SPATA16: variants seen among roughly 807,000 people sequenced by gnomAD.
SPATA16 encodes spermatogenesis associated 16.
SPATA16 carries 36 observed loss-of-function variants against 63.3 expected under a neutral mutation model. The observed-to-expected ratio is 0.57, with a 90% confidence interval of 0.44 to 0.75. The LOEUF (loss-of-function observed/expected upper bound fraction) is 0.75, where lower values mean the gene tolerates loss of function less well. SPATA16 is among the 30% of genes least tolerant of loss of function. The probability of loss-of-function intolerance (pLI) is 0.00; values close to 1 mark genes in which losing one functional copy is unlikely to be tolerated. For missense variants in SPATA16, 646 were observed against 679.3 expected, an observed-to-expected ratio of 0.95 and a Z score of 0.54; for synonymous variants, 203 against 216.7, an observed-to-expected ratio of 0.94 and a Z score of 0.56.
Position 172,913,734 on chromosome 3 carries a change from A to G in SPATA16, c.1514T>C (p.Leu505Pro), listed in dbSNP as rs368640324. The G allele has an allele frequency of 6.2e-7, 1 of 1,613,456 alleles. No individual in the cohort carries two copies. The highest frequency in any genetic ancestry group is 1.3e-5 in the African/African-American group (1 of 74,892). ...AAGGGTGTCCATAGCATCTGCCATT[A>G]GTGACTGCAGCTGTGGCACCAAGAT... ...SQQEAELLQSLMADAMDTLEG... is the reference protein window; with the variant it reads ...SQQEAELLQSPMADAMDTLEG... Residue 505 changes from leucine (L) to proline (P), a missense_variant, in exon 10 of 11, where the codon CTA (leucine) becomes CCA (proline). Physicochemically the swap from Leu to Pro is moderately conservative, Grantham distance 98 (BLOSUM62 -3). Coordinates refer to ENST00000351008, the MANE Select transcript of SPATA16 (RefSeq NM_031955.6).
chr3:172,939,942 C>A (rs1733106992), intron 6 of SPATA16, among the ~76,000 whole-genome samples: 1 of 152,186 alleles, frequency 6.6e-6, no homozygotes, highest in South Asian at 2.1e-4. Context: ...CTGAGTTAAT[C>A]ACCAATGACC....
intron 5 of SPATA16, 22 bp from the exon 6 acceptor site, chr3:172,956,846 AT>A: frequency 6.2e-7 from 1 of 1,613,034 alleles, no homozygotes; most frequent in Non-Finnish European, 8.5e-7. Flanking sequence ...CAAACAACCC[AT>A]TTGGCATCAA....
chr3:173,082,512 C>T (rs925180297), intron 2 of SPATA16, among the ~76,000 whole-genome samples: 3 of 152,194 alleles, frequency 2.0e-5, no homozygotes, highest in Non-Finnish European at 2.9e-5. Context: ...TGTTCACTAT[C>T]TCCCCTAAAT....
chr3:173,095,565 T>C (rs1405541394), intron 2 of SPATA16, among the ~76,000 whole-genome samples: 1 of 152,160 alleles, frequency 6.6e-6, no homozygotes, highest in Non-Finnish European at 1.5e-5. Flanking sequence ...GGAAGAAATA[T>C]ATCCCTTCTA....
chr3:172,948,668 A>G (rs1733355009), intron 6 of SPATA16, among the ~76,000 whole-genome samples: 1 of 151,900 alleles, frequency 6.6e-6, no homozygotes, highest in African/African-American at 2.4e-5. Flanking sequence ...GGGTCTCGCT[A>G]TGTTGTCTAG....
At chr3:173,139,540 T>G (rs1738642805) in intron 1 of SPATA16, among the ~76,000 whole-genome samples, 10 of 152,206 alleles carry the variant, frequency 6.6e-5, no homozygotes, top group Admixed American at 6.5e-4. Context: ...CATATGGTGT[T>G]TGCACTGCTT....
chr3:173,073,366 A>G (rs775249011), intron 2 of SPATA16, among the ~76,000 whole-genome samples: 1 of 152,236 alleles, frequency 6.6e-6, no homozygotes, highest in Non-Finnish European at 1.5e-5. Flanking sequence ...AGAGACCTTC[A>G]TGGCAGCCTC....
intron 1 of SPATA16, among the ~76,000 whole-genome samples, chr3:173,139,070 C>T (rs942259602): frequency 1.3e-5 from 2 of 152,056 alleles, no homozygotes; most frequent in African/African-American, 2.4e-5. Flanking sequence ...TTTTCTTATT[C>T]GCAAAATGGA....
chr3:173,044,971 G>A (rs1735924989), intron 3 of SPATA16, among the ~76,000 whole-genome samples: 1 of 152,070 alleles, frequency 6.6e-6, no homozygotes, highest in Non-Finnish European at 1.5e-5. Context: ...GAGGTGCTGA[G>A]TGAAGTCTCT....
Position 172,898,624 on chromosome 3 carries a change from A to AT in SPATA16, c.1588-8933dup, listed in dbSNP as rs144965087. Among the ~76,000 whole-genome samples the AT allele has an allele frequency of 1.6e-3, 238 of 144,800 alleles. 2 individuals are homozygous for AT. The highest frequency in any genetic ancestry group is 4.2e-3 in the African/African-American group (168 of 40,010). The allele number at this position is 144,800 out of a possible 152,430, so 95.0% of individuals were successfully genotyped here. A position where few individuals can be genotyped will look rare whatever the true frequency, so the allele number is the denominator to read the frequency against. ...CTTTTTTATTTGTTAGTCTTGCTAG[A>AT]TTTTTTTTTTTTAATTTTACTAACC... is the stretch of plus-strand genomic sequence containing the variant. On this transcript the variant is annotated intron_variant, in intron 10 of 10. Transcript: ENST00000351008.
intron 4 of SPATA16, among the ~76,000 whole-genome samples, chr3:172,989,619 T>A (rs1467600052): frequency 6.6e-6 from 1 of 152,170 alleles, no homozygotes. Context: ...TAATAATAGT[T>A]GCCAACCTCA....
At chr3:172,951,600 T>C (rs537666817) in intron 6 of SPATA16, among the ~76,000 whole-genome samples, 47 of 152,338 alleles carry the variant, frequency 3.1e-4, no homozygotes, top group Non-Finnish European at 5.6e-4. Flanking sequence ...CAAGGGTGAC[T>C]GTGAATTGGG....
At chr3:173,124,478 G>A (rs2108342811) in intron 1 of SPATA16, among the ~76,000 whole-genome samples, 1 of 152,222 alleles carries the variant, frequency 6.6e-6, no homozygotes, top group East Asian at 1.9e-4. Flanking sequence ...CTTTTGTTTG[G>A]ATCCTATCCC....
intron 4 of SPATA16, among the ~76,000 whole-genome samples, chr3:173,005,344 A>AG (rs1197228603): frequency 6.6e-6 from 1 of 151,610 alleles, no homozygotes. Flanking sequence ...AAAAAAAAAA[A>AG]AAAGAAAATG....
intron 5 of SPATA16, among the ~76,000 whole-genome samples, chr3:172,958,659 TGGAGACTGGAAGTCCA>T (rs1733663055): frequency 6.6e-6 from 1 of 152,196 alleles, no homozygotes; most frequent in South Asian, 2.1e-4. Context: ...CTCACAGTTC[TGGAGACTGGAAGTCCA>T]AGACAGTGGT....
chr3:173,064,385 A>G (rs1560111305), intron 2 of SPATA16, among the ~76,000 whole-genome samples: 1 of 151,458 alleles, frequency 6.6e-6, no homozygotes, highest in East Asian at 1.9e-4. Context: ...TCAATCCTCT[A>G]TGATACATCA....
intron 6 of SPATA16, among the ~76,000 whole-genome samples, chr3:172,926,262 G>A (rs530161447): frequency 5.9e-5 from 9 of 152,262 alleles, no homozygotes; most frequent in African/African-American, 2.2e-4. Flanking sequence ...TCTAGCCATA[G>A]GAGGAAATTT....
intron 2 of SPATA16, among the ~76,000 whole-genome samples, chr3:173,095,044 T>C (rs556260841): frequency 6.6e-6 from 1 of 152,306 alleles, no homozygotes; most frequent in East Asian, 1.9e-4. Flanking sequence ...GTGGTCATAG[T>C]TACTACATAT....
intron 1 of SPATA16, among the ~76,000 whole-genome samples, chr3:173,122,220 G>T (rs1029174281): frequency 6.6e-6 from 1 of 152,068 alleles, no homozygotes; most frequent in African/African-American, 2.4e-5. Flanking sequence ...ACAAAGAGAA[G>T]TTAATGTTCA....
Sources: gnomAD v4.1 joint callset for allele counts (sites outside exome capture counted in the v4.1 genomes callset) on GRCh38, gnomAD v4.1.1 for gene constraint, MANE v1.5 for transcripts, NCBI Gene and HGNC (gene_info 2026-07-23, HGNC 2026-07-21) for gene names.